The following ABCA12 variants were observed in gnomAD, a reference collection of about 807,000 sequenced individuals.
ABCA12 encodes ATP binding cassette subfamily A member 12.
In ABCA12, 156 loss-of-function variants were observed where a neutral mutation model predicts 293.5. The observed-to-expected ratio is 0.53, with a 90% CI of 0.47 to 0.61. The LOEUF is 0.61. Among genes scored for constraint, ABCA12 ranks in the 20% least tolerant of loss-of-function variants. The pLI, the probability that ABCA12 is intolerant of heterozygous loss-of-function variation, is 0.00. For missense variants in ABCA12, 2,797 were observed against 3,090.2 expected (o/e 0.91, Z 2.25); for synonymous variants, 1,063 against 1,108.0 (o/e 0.96, Z 0.81).
chr2:215,120,437 C>A (rs1301052419), intron 1 of ABCA12, among the ~76,000 whole-genome samples: 3 of 151,726 alleles, frequency 2.0e-5, no homozygotes, highest in Non-Finnish European at 4.4e-5. Flanking sequence ...GATAATATGA[C>A]ATAGGAAGTA....
At chr2:215,124,153 T>C (rs960843062) in intron 1 of ABCA12, among the ~76,000 whole-genome samples, 2 of 152,248 alleles carry the variant, frequency 1.3e-5, no homozygotes, top group African/African-American at 4.8e-5. Context: ...CCACAGTTTT[T>C]TAATCCACTT....
At chr2:214,996,769 A>G (rs1700042750) in intron 23 of ABCA12, among the ~76,000 whole-genome samples, 1 of 152,228 alleles carries the variant, frequency 6.6e-6, no homozygotes, top group South Asian at 2.1e-4. Flanking sequence ...AGCAACTTGT[A>G]TCTTATAGGG....
At chr2:214,949,286 T>C (rs1050265336) in intron 45 of ABCA12, 137 bp from the exon 46 acceptor site, 2 of 704,116 alleles carry the variant, frequency 2.8e-6, no homozygotes, top group Non-Finnish European at 5.0e-6. Context: ...ATGGATAGTG[T>C]AATGCTCTTG....
rs1177618986 is a variant in ABCA12 at position 214,981,134 on chromosome 2, G to T, written c.4580-491C>A. ...GGAAAAAAAGAAGAAAAACTCAGAA[G>T]GGTGTTCTTAAATATTTGGACGCAT... On this transcript the variant is annotated intron_variant, in intron 30 of 52. Transcript: ENST00000272895. Among the ~76,000 whole-genome samples the T allele has an allele frequency of 3.3e-5, 5 of 151,668 alleles. No homozygotes were observed. In the East Asian group the frequency reaches 9.7e-4, roughly 29 times the overall value.
At chr2:215,129,351 T>G (rs1703000899) in intron 1 of ABCA12, among the ~76,000 whole-genome samples, 1 of 152,224 alleles carries the variant, frequency 6.6e-6, no homozygotes, top group Non-Finnish European at 1.5e-5. Context: ...TCCCTGGTGC[T>G]GCCTGATCTG....
chr2:215,114,267 C>T (rs1702642292), intron 1 of ABCA12, among the ~76,000 whole-genome samples: 1 of 152,140 alleles, frequency 6.6e-6, no homozygotes, highest in Admixed American at 6.5e-5. Flanking sequence ...GTCACCGCAC[C>T]CGGCCAAATT....
At chr2:215,106,318 G>T (rs1047840342) in intron 2 of ABCA12, among the ~76,000 whole-genome samples, 1 of 151,616 alleles carries the variant, frequency 6.6e-6, no homozygotes, top group South Asian at 2.1e-4. Flanking sequence ...TTTTCCCAGA[G>T]CTACTAACAA....
At chr2:215,112,520 A>AT (rs1702598492) in intron 1 of ABCA12, among the ~76,000 whole-genome samples, 3 of 43,072 alleles carry the variant, frequency 7.0e-5, no homozygotes, top group Non-Finnish European at 4.0e-4. Context: ...TTTTTTTGAG[A>AT]CAGAGTCTTG....
At chr2:215,051,625 T>C (rs1701322829) in intron 5 of ABCA12, among the ~76,000 whole-genome samples, 2 of 150,062 alleles carry the variant, frequency 1.3e-5, no homozygotes, top group African/African-American at 4.9e-5. Context: ...TGTGTGTGTG[T>C]GTGTGTGTGT....
At chr2:214,984,257 C>T (rs6749214) in intron 28 of ABCA12, among the ~76,000 whole-genome samples, 55,905 of 151,720 alleles carry the variant, frequency 0.37, 12,595 homozygotes, top group Non-Finnish European at 0.51. Context: ...CCACCACGCC[C>T]GGCTAATTTT....
chr2:215,126,796 T>C (rs1702933344), intron 1 of ABCA12, among the ~76,000 whole-genome samples: 1 of 152,154 alleles, frequency 6.6e-6, no homozygotes, highest in Non-Finnish European at 1.5e-5. Context: ...ATCATTTAGT[T>C]CTGCTCTGAT....
chr2:215,023,165 GGGAGTAAGA>G (rs1559152138), intron 11 of ABCA12: 1 of 152,174 alleles, frequency 6.6e-6, no homozygotes, highest in Non-Finnish European at 1.5e-5. Context: ...AACAAAGCAG[GGGAGTAAGA>G]GCATCAGTAA....
rs12185561 is a variant in ABCA12 at position 214,997,450 on chromosome 2, T to C, written c.3294+245A>G. Among the ~76,000 whole-genome samples the C allele has an allele frequency of 9.4e-3, 1,436 of 152,300 alleles. 12 individuals carry two copies. Among genetic ancestry groups the C allele is most frequent in the Non-Finnish European group, 0.017 (1,136 of 68,008 alleles). On this transcript the variant is annotated intron_variant, in intron 23 of 52. Transcript: ENST00000272895. Reference sequence around the variant, plus strand: ...CAAAAAATTACTCCAGGAATTATCATTGTACTCATATTTTATTCAGATGTT... The same window carrying C: ...CAAAAAATTACTCCAGGAATTATCACTGTACTCATATTTTATTCAGATGTT...
rs774016731 is a variant in ABCA12, at chr2:214,989,624, G to A, written c.3625-3C>T. The A allele has an allele frequency of 2.5e-6, 4 of 1,613,800 alleles. No individual in the cohort carries two copies. Among genetic ancestry groups the A allele is most frequent in the Non-Finnish European group, 3.4e-6 (4 of 1,179,842 alleles). ...AATGCTGTTGGGGACAGCAGGCTCT[G>A]TGAAGAAAGGAAACGGCAATGATAG... On this transcript the variant is annotated splice_polypyrimidine_tract_variant and splice_region_variant and intron_variant, in intron 24 of 52. Transcript: ENST00000272895.
intron 20 of ABCA12, among the ~76,000 whole-genome samples, chr2:215,003,001 G>T (rs1464820696): frequency 6.6e-6 from 1 of 152,168 alleles, no homozygotes; most frequent in Admixed American, 6.5e-5. Context: ...TTGCCCAAAT[G>T]ATACTTTTAG....
Position 215,011,369 on chromosome 2 carries a change from T to G in ABCA12, c.2332+70A>C, listed in dbSNP as rs931540450. On this transcript the variant is annotated intron_variant, in intron 17 of 52. Transcript: ENST00000272895. ...TAATACTTCATTTATCATAAAAAAC[T>G]AAGACAGAATAGACAGTATTCTTAT... is the stretch of plus-strand genomic sequence containing the variant. 6.7e-6 allele frequency: 8 copies of G among 1,187,682 alleles called. No individual in the cohort carries two copies. The Admixed American group carries it at 1.3e-4, about 20-fold the overall frequency. The allele number at this position is 1,187,682 out of a possible 1,614,324, so 73.6% of individuals were successfully genotyped here.
At chr2:214,955,793 CA>C (rs990183529) in intron 42 of ABCA12, among the ~76,000 whole-genome samples, 1 of 151,770 alleles carries the variant, frequency 6.6e-6, no homozygotes, top group South Asian at 2.1e-4. Flanking sequence ...TCCTTTTTGA[CA>C]AAAAAAATCC....
At chr2:215,064,697 A>G (rs955678937) in intron 2 of ABCA12, among the ~76,000 whole-genome samples, 37 of 26,016 alleles carry the variant, frequency 1.4e-3, no homozygotes, top group Middle Eastern at 0.018. Flanking sequence ...ATACACGCAC[A>G]CACACACACA....
At chr2:215,137,377 C>T (rs1703251475) in intron 1 of ABCA12, among the ~76,000 whole-genome samples, 1 of 152,048 alleles carries the variant, frequency 6.6e-6, no homozygotes, top group South Asian at 2.1e-4. Context: ...TTGGATTTCC[C>T]CGATTTTCAA....
Sources: gnomAD v4.1 joint callset for allele counts (sites outside exome capture counted in the v4.1 genomes callset) on GRCh38, gnomAD v4.1.1 for gene constraint, MANE v1.5 for transcripts, NCBI Gene and HGNC (gene_info 2026-07-23, HGNC 2026-07-21) for gene names.